FOXN3: variants seen among roughly 807,000 people sequenced by gnomAD.
The protein encoded by FOXN3 is forkhead box N3.
A neutral mutation model predicts 38.4 loss-of-function variants in FOXN3; 7 were observed. The ratio of observed to expected loss-of-function variants is 0.18; its 90% CI spans 0.10 to 0.34. FOXN3 has a LOEUF of 0.34. FOXN3 is among the 10% of genes least tolerant of loss of function. The pLI, the probability that FOXN3 is intolerant of heterozygous loss-of-function variation, is 1.00. For missense variants in FOXN3, 456 were observed against 613.4 expected (o/e 0.74, Z 2.71); for synonymous variants, 230 against 242.2 (o/e 0.95, Z 0.47).
chr14:89,530,544 G>A (rs1046469947), intron 1 of FOXN3, among the ~76,000 whole-genome samples: 2 of 152,056 alleles, frequency 1.3e-5, no homozygotes, highest in Admixed American at 6.6e-5. Flanking sequence ...TTTGGGTAGG[G>A]ACACAGCCAA....
At chr14:89,339,414 A>G (rs1888551652) in intron 3 of FOXN3, among the ~76,000 whole-genome samples, 1 of 152,286 alleles carries the variant, frequency 6.6e-6, no homozygotes, top group Admixed American at 6.5e-5. Flanking sequence ...GACCTAACTA[A>G]GATCTGCTCT....
chr14:89,491,196 G>A (rs1426044661), intron 1 of FOXN3, among the ~76,000 whole-genome samples: 1 of 151,428 alleles, frequency 6.6e-6, no homozygotes, highest in East Asian at 1.9e-4. Context: ...GGCTGGTCTC[G>A]AACTCCCGAC....
At chr14:89,345,606 C>A (rs891543632) in intron 3 of FOXN3, among the ~76,000 whole-genome samples, 1 of 152,064 alleles carries the variant, frequency 6.6e-6, no homozygotes, top group African/African-American at 2.4e-5. Context: ...GTCTTTTATC[C>A]TTAATCCCCC....
chr14:89,187,049 G>T (rs917485962), intron 4 of FOXN3, among the ~76,000 whole-genome samples: 1 of 152,194 alleles, frequency 6.6e-6, no homozygotes, highest in African/African-American at 2.4e-5. Flanking sequence ...GCTGAGCAAG[G>T]GTAGGAGGAA....
chr14:89,594,561 T>G (rs1896020257), intron 1 of FOXN3, among the ~76,000 whole-genome samples: 1 of 152,252 alleles, frequency 6.6e-6, no homozygotes, highest in Non-Finnish European at 1.5e-5. Flanking sequence ...TACGGGGCTA[T>G]TTTGTTTTTC....
chr14:89,423,322 C>G (rs1303541506), intron 1 of FOXN3, among the ~76,000 whole-genome samples: 1 of 152,200 alleles, frequency 6.6e-6, no homozygotes, highest in Admixed American at 6.5e-5. Flanking sequence ...GTTTTCACTT[C>G]ATAGGACTGT....
intron 4 of FOXN3, among the ~76,000 whole-genome samples, chr14:89,266,333 G>A (rs1038318875): frequency 6.6e-6 from 1 of 152,012 alleles, no homozygotes; most frequent in Non-Finnish European, 1.5e-5. Flanking sequence ...TACATTCCTG[G>A]TATCTCTTCT....
At chr14:89,464,022 G>A (rs1349311543) in intron 1 of FOXN3, among the ~76,000 whole-genome samples, 2 of 152,130 alleles carry the variant, frequency 1.3e-5, no homozygotes, top group Non-Finnish European at 2.9e-5. Flanking sequence ...GACCTCAGGT[G>A]ATCCACATGC....
chr14:89,269,390 T>C (rs1886076899), intron 4 of FOXN3, among the ~76,000 whole-genome samples: 1 of 152,148 alleles, frequency 6.6e-6, no homozygotes. Context: ...TTTGCAAATG[T>C]CTTAGTCTAG....
intron 4 of FOXN3, chr14:89,264,141 C>T (rs933044203): frequency 6.6e-6 from 1 of 152,458 alleles, no homozygotes; most frequent in East Asian, 1.9e-4. Context: ...GAGGAGCCCC[C>T]CTCTTGTCCT....
Position 89,508,547 on chromosome 14 carries a change from G to A in FOXN3, c.-14-96057C>T, listed in dbSNP as rs115420617. On this transcript the variant is annotated intron_variant, in intron 1 of 6. Coordinates refer to the FOXN3 transcript ENST00000345097. ...TCGCTCAGAAAAGCCGAAGAGCTTG[G>A]GCAGAGCAGAGAATGTCAGCATCAT... Among the ~76,000 whole-genome samples the A allele has an allele frequency of 2.8e-3, 430 of 152,298 alleles. 2 individuals carry two copies. Among genetic ancestry groups the A allele is most frequent in the African/African-American group, 9.9e-3 (413 of 41,554 alleles).
rs1295567722 is a variant in FOXN3, at chr14:89,162,739, C to G, written c.1082G>C (p.Ser361Thr). The change falls in exon 6 of 6, where the codon AGC becomes ACC. Residue 361 changes from serine to threonine, a missense_variant. This residue lies in a region of FOXN3 where 386 missense variants were observed against 505.2 expected (regional missense o/e 0.76). Coordinates refer to ENST00000557258, the MANE Select transcript of FOXN3 (RefSeq NM_005197.4). This position sits in a 1 kb window ranked among gnomAD's most constrained non-coding sequence, Gnocchi z 7.2. Reference protein sequence around the residue: ...SQEGSEGSEGSFRSHESPSDT... With the variant: ...SQEGSEGSEGTFRSHESPSDT... The stretch of plus-strand genomic sequence containing the variant: ...GCTGGGGCTCTCGTGGCTCCGGAAG[C>G]TCCCCTCGCTGCCCTCGCTGCCCTC... The G allele has an allele frequency of 3.1e-6, 5 of 1,613,658 alleles. No individual in the cohort carries two copies. Among genetic ancestry groups the G allele is most frequent in the Non-Finnish European group, 4.2e-6 (5 of 1,179,736 alleles).
chr14:89,260,771 C>T (rs1199005646), intron 4 of FOXN3, among the ~76,000 whole-genome samples: 1 of 152,182 alleles, frequency 6.6e-6, no homozygotes, highest in Non-Finnish European at 1.5e-5. Flanking sequence ...TGTTTGCATG[C>T]GCTGCTCAGA....
chr14:89,457,816 C>T (rs989705761), intron 1 of FOXN3, among the ~76,000 whole-genome samples: 7 of 151,906 alleles, frequency 4.6e-5, no homozygotes, highest in Admixed American at 4.6e-4. Context: ...AGTTCGAGAC[C>T]AGCCTGACCA....
At chr14:89,242,555 T>C (rs1329639875) in intron 4 of FOXN3, among the ~76,000 whole-genome samples, 2 of 152,098 alleles carry the variant, frequency 1.3e-5, no homozygotes, top group African/African-American at 2.4e-5. Flanking sequence ...ATAATAATAA[T>C]AACGATACCA....
chr14:89,589,090 C>T (rs10137926), intron 1 of FOXN3, among the ~76,000 whole-genome samples: 9,077 of 151,998 alleles, frequency 0.06, 630 homozygotes, highest in African/African-American at 0.15. Flanking sequence ...AAGTCAAGGT[C>T]GGGAAACATC....
chr14:89,177,066 A>G (rs1887541106), intron 5 of FOXN3, among the ~76,000 whole-genome samples: 1 of 141,528 alleles, frequency 7.1e-6, no homozygotes, highest in African/African-American at 2.7e-5. Context: ...GCTGGAGTGC[A>G]ATGGCACAAT....
rs964502441 is a variant in FOXN3 at position 89,412,791 on chromosome 14, T to C, written c.-14-301A>G. Among the ~76,000 whole-genome samples, 27 of 152,158 alleles carry C rather than the reference T, an allele frequency of 1.8e-4. No homozygotes were observed. Among genetic ancestry groups the C allele is most frequent in the African/African-American group, 6.5e-4 (27 of 41,430 alleles). ...GCTCACGCCTGTAATCCCAGCACTT[T>C]GGGAGGCTGAGGCGGGACGATTGCT... On this transcript the variant is annotated intron_variant, in intron 1 of 5. Coordinates refer to ENST00000557258, the MANE Select transcript of FOXN3 (RefSeq NM_005197.4). This position sits in a 1 kb window ranked among gnomAD's most constrained non-coding sequence, Gnocchi z 4.7.
chr14:89,400,411 T>C (rs145972461), intron 2 of FOXN3, among the ~76,000 whole-genome samples: 187 of 152,300 alleles, frequency 1.2e-3, no homozygotes, highest in African/African-American at 4.4e-3. Context: ...TTGAAACTCA[T>C]ATAGGAAACT....
Sources: allele counts gnomAD v4.1 joint callset (sites outside exome capture counted in the v4.1 genomes callset), GRCh38; gene constraint gnomAD v4.1.1; regional missense constraint gnomAD v4.1.1; non-coding constraint Gnocchi (gnomAD v3.1); transcripts MANE v1.5; gene names NCBI Gene and HGNC (gene_info 2026-07-23, HGNC 2026-07-21).